Variants in PROKR1 observed in about 807,000 individuals in gnomAD.
PROKR1 encodes the protein G protein-coupled receptor 73.
PROKR1 carries 21 observed loss-of-function variants against 22.8 expected under a neutral mutation model. The observed-to-expected ratio is 0.92, with a 90% CI of 0.65 to 1.32. The LOEUF (loss-of-function observed/expected upper bound fraction) is 1.32. Ranked by LOEUF, PROKR1 falls within the 40% of genes most tolerant of loss-of-function variation. The pLI, the probability that PROKR1 is intolerant of heterozygous loss-of-function variation, is 0.00. For missense variants in PROKR1, 548 were observed against 514.2 expected (o/e 1.07, Z -0.64); for synonymous variants, 193 against 207.5 (o/e 0.93, Z 0.60).
rs935877951 is a variant in PROKR1, at chr2:68,658,202, GGTGTT to G, written c.*2634_*2638del. 2.6e-5 allele frequency: 4 copies of G among 152,036 alleles called. No homozygotes were observed. Among genetic ancestry groups the G allele is most frequent in the African/African-American group, 9.7e-5 (4 of 41,372 alleles). The allele number at this position is 152,036 out of a possible 1,614,324, so 9.4% of individuals were successfully genotyped here. A position where few individuals can be genotyped will look rare whatever the true frequency, so the allele number is the denominator to read the frequency against. Reference sequence around the variant, plus strand: ...TGCTTGTAATTTTGTAGTGAATGAGGGTGTTGTGTTGTTATCAAGTGAAATGAAAA... The same window carrying G: ...TGCTTGTAATTTTGTAGTGAATGAGGGTGTTGTTATCAAGTGAAATGAAAA... On this transcript the variant is annotated 3_prime_UTR_variant, in exon 3 of 3. Transcript: ENST00000303786.
At position 68,645,690 on chromosome 2, in the gene PROKR1, C is replaced by T; in HGVS notation, c.-132C>T. 7.8e-7 allele frequency: 1 copy of T among 1,280,058 alleles called. No homozygotes were observed. The highest frequency in any genetic ancestry group is 1.1e-6 in the Non-Finnish European group (1 of 896,016). The allele number at this position is 1,280,058 out of a possible 1,614,324, so 79.3% of individuals were successfully genotyped here. On this transcript the variant is annotated 5_prime_UTR_variant, in exon 2 of 3. Coordinates refer to ENST00000303786, the MANE Select transcript of PROKR1 (RefSeq NM_138964.4). ...TAGAATGGAGCTCAGATACCATACC[C>T]CAAAGATGCTGGCAGAGACATTCTG...
chr2:68,652,274 T>A (rs1673348855), intron 2 of PROKR1, among the ~76,000 whole-genome samples: 1 of 152,218 alleles, frequency 6.6e-6, no homozygotes, highest in Non-Finnish European at 1.5e-5. Context: ...AAAGTGGATT[T>A]GAAAATGCTC....
chr2:68,646,121 C>A lies in PROKR1; in HGVS notation c.300C>A (p.Leu100=). The A allele has an allele frequency of 6.2e-7, 1 of 1,611,814 alleles. No homozygotes were observed. Among genetic ancestry groups the A allele is most frequent in the Non-Finnish European group, 8.5e-7 (1 of 1,178,350 alleles). ...AACTGCGCAACCTCACCAACCTGCT[C>A]ATCGCCAACCTGGCCATCTCTGACT... ...YKKLRNLTNL[L]IANLAISDFL... The change falls in exon 2 of 3, where the codon CTC becomes CTA. Residue 100 remains leucine (L), a synonymous_variant. Coordinates refer to ENST00000303786, the MANE Select transcript of PROKR1 (RefSeq NM_138964.4).
At chr2:68,651,686 C>G (rs1673335344) in intron 2 of PROKR1, among the ~76,000 whole-genome samples, 1 of 152,230 alleles carries the variant, frequency 6.6e-6, no homozygotes, top group South Asian at 2.1e-4. Context: ...CATGACTAGC[C>G]TAGTAGCTGC....
Position 68,656,797 on chromosome 2 carries a change from G to A in PROKR1, c.*1221G>A, listed in dbSNP as rs1415128576. ...AGACTTGCTTTGCTTCTAAAATAGG[G>A]GTCCTCTTAGGAGGGATAAGCCACA... On this transcript the variant is annotated 3_prime_UTR_variant, in exon 3 of 3. Coordinates refer to ENST00000303786, the MANE Select transcript of PROKR1 (RefSeq NM_138964.4). 1 of 152,102 alleles carries A rather than the reference G, an allele frequency of 6.6e-6. No individual in the cohort carries two copies. The highest frequency in any genetic ancestry group is 1.5e-5 in the Non-Finnish European group (1 of 68,034). The allele number at this position is 152,102 out of a possible 1,614,324, so 9.4% of individuals were successfully genotyped here.
chr2:68,648,124 A>G (rs1239618172), intron 2 of PROKR1, among the ~76,000 whole-genome samples: 1 of 152,220 alleles, frequency 6.6e-6, no homozygotes, highest in Non-Finnish European at 1.5e-5. Context: ...TACTAAAAGC[A>G]GGGTAGGGTG....
At position 68,655,829 on chromosome 2, in the gene PROKR1, C is replaced by T; in HGVS notation, c.*253C>T. 1 of 525,192 alleles carries T rather than the reference C, an allele frequency of 1.9e-6. No homozygotes were observed. Among genetic ancestry groups the T allele is most frequent in the Non-Finnish European group, 3.4e-6 (1 of 289,946 alleles). 32.5% of individuals were successfully genotyped at this position (525,192 alleles called of 1,614,324 possible). On this transcript the variant is annotated 3_prime_UTR_variant, in exon 3 of 3. Transcript: ENST00000303786. Reference sequence around the variant, plus strand: ...TGGTAAAACCTATATATGTTGATGACATTTAGTTGGCAAAATGAAATTGGA... The same window carrying T: ...TGGTAAAACCTATATATGTTGATGATATTTAGTTGGCAAAATGAAATTGGA...
At chr2:68,647,748 C>T (rs923783737) in intron 2 of PROKR1, among the ~76,000 whole-genome samples, 3 of 152,140 alleles carry the variant, frequency 2.0e-5, no homozygotes, top group African/African-American at 7.2e-5. Flanking sequence ...GGTCTGTCCC[C>T]GTAGATCCTT....
Position 68,645,976 on chromosome 2 carries a change from T to G in PROKR1, c.155T>G (p.Val52Gly), listed in dbSNP as rs370003713. 4 of 1,614,138 alleles carry G rather than the reference T, an allele frequency of 2.5e-6. No individual in the cohort carries two copies. The African/African-American group carries it at 5.3e-5, about 22-fold the overall frequency. ...YDMPLDEDED[V>G]TNSRTFFAAK... Reference sequence around the variant, plus strand: ...ATGCCTTTGGATGAAGATGAGGATGTGACCAATTCCAGGACGTTCTTTGCT... The same window carrying G: ...ATGCCTTTGGATGAAGATGAGGATGGGACCAATTCCAGGACGTTCTTTGCT... Residue 52 changes from valine to glycine, a missense_variant, in exon 2 of 3, where the codon GTG becomes GGG. By Grantham distance (109) the Val-to-Gly change is moderately radical. Coordinates refer to ENST00000303786, the MANE Select transcript of PROKR1 (RefSeq NM_138964.4).
chr2:68,654,615 G>A (rs1673399286), intron 2 of PROKR1, among the ~76,000 whole-genome samples: 1 of 152,018 alleles, frequency 6.6e-6, no homozygotes, highest in Non-Finnish European at 1.5e-5. Context: ...GCAGCATACG[G>A]AGACTCTACC....
intron 2 of PROKR1, 121 bp from the exon 3 acceptor site, chr2:68,654,759 C>A: frequency 1.1e-6 from 1 of 912,960 alleles, no homozygotes; most frequent in Non-Finnish European, 1.7e-6. Flanking sequence ...GATCATGCCA[C>A]TGCACTCACT....
In PROKR1 at chr2:68,658,236, T is replaced by C. The variant is rs1487399087; in HGVS notation, c.*2660T>C. 2 of 152,232 alleles carry C rather than the reference T, an allele frequency of 1.3e-5. No homozygotes were observed. The highest frequency in any genetic ancestry group is 4.8e-5 in the African/African-American group (2 of 41,446). The allele number at this position is 152,232 out of a possible 1,614,324, so 9.4% of individuals were successfully genotyped here. On this transcript the variant is annotated 3_prime_UTR_variant, in exon 3 of 3. Coordinates refer to ENST00000303786, the MANE Select transcript of PROKR1 (RefSeq NM_138964.4). ...TTGTTATCAAGTGAAATGAAAATAC[T>C]TGGATATACAGAAAATCATGGAGCG...
intron 2 of PROKR1, among the ~76,000 whole-genome samples, chr2:68,647,481 G>C (rs1673213106): frequency 6.6e-6 from 1 of 152,178 alleles, no homozygotes; most frequent in African/African-American, 2.4e-5. Flanking sequence ...TGCTCTCCCT[G>C]TTCTCTGGCC....
At position 68,655,349 on chromosome 2, in the gene PROKR1, C is replaced by A. The variant is rs750032040; in HGVS notation, c.955C>A (p.His319Asn). The part of the protein sequence containing the change: ...FFPTVFVKEK[H>N]YLTAFYIVEC... ...CCCCACCGTGTTTGTGAAGGAGAAG[C>A]ACTACCTCACTGCCTTCTACATCGT... The change falls in exon 3 of 3, where the codon CAC becomes AAC. Residue 319 changes from histidine (H) to asparagine (N), a missense_variant. His to Asn is a moderately conservative substitution (Grantham distance 68). Transcript: ENST00000303786. 6.2e-7 allele frequency: 1 copy of A among 1,614,216 alleles called. No individual in the cohort carries two copies. Among genetic ancestry groups the A allele is most frequent in the Non-Finnish European group, 8.5e-7 (1 of 1,179,992 alleles).
In PROKR1 at chr2:68,654,940, G is replaced by T. The variant is rs563648309; in HGVS notation, c.546G>T (p.Leu182=). ...PRMKCQTATG[L]IALVWTVSIL... is the part of the protein sequence containing the mutation. ...TGAAGTGCCAAACAGCCACTGGCCT[G>T]ATTGCCTTGGTGTGGACGGTGTCCA... Residue 182 remains leucine, a synonymous_variant, in exon 3 of 3, where the codon CTG becomes CTT. Transcript: ENST00000303786. The T allele has an allele frequency of 1.9e-6, 3 of 1,613,850 alleles. No homozygotes were observed. The South Asian group carries it at 3.3e-5, about 18-fold the overall frequency.
chr2:68,646,488 G>T (rs898976525), intron 2 of PROKR1, among the ~76,000 whole-genome samples, 182 bp downstream of exon 2: 1 of 152,244 alleles, frequency 6.6e-6, no homozygotes, highest in Admixed American at 6.5e-5. Context: ...TCCTTTTCCA[G>T]CTTTGTTCAG....
rs955693675 is a variant in PROKR1, at chr2:68,656,974, G to C, written c.*1398G>C. ...AACAATGAGCTTCAGTGACCCCATAGGTTGTTGAAGACTCATCCCACTTTC... is the reference window on the plus strand; with the variant it reads ...AACAATGAGCTTCAGTGACCCCATACGTTGTTGAAGACTCATCCCACTTTC... On this transcript the variant is annotated 3_prime_UTR_variant, in exon 3 of 3. Transcript: ENST00000303786. 1.3e-5 allele frequency: 2 copies of C among 152,168 alleles called. No individual in the cohort carries two copies. The highest frequency in any genetic ancestry group is 3.9e-4 in the East Asian group (2 of 5,190). 9.4% of individuals were successfully genotyped at this position (152,168 alleles called of 1,614,324 possible).
At chr2:68,646,401 G>T in intron 2 of PROKR1, 95 bp downstream of exon 2, 2 of 1,538,224 alleles carry the variant, frequency 1.3e-6, no homozygotes, top group Admixed American at 1.7e-5. Context: ...ATTGATGAGA[G>T]GTGTCTCTAT....
At chr2:68,647,341 C>T (rs577482147) in intron 2 of PROKR1, among the ~76,000 whole-genome samples, 2 of 152,190 alleles carry the variant, frequency 1.3e-5, no homozygotes, top group Non-Finnish European at 1.5e-5. Flanking sequence ...CTGCCCACAG[C>T]TGGACTGTCA....
Sources: gnomAD v4.1 joint callset for allele counts (sites outside exome capture counted in the v4.1 genomes callset) on GRCh38, gnomAD v4.1.1 for gene constraint, MANE v1.5 for transcripts, NCBI Gene and HGNC (gene_info 2026-07-23, HGNC 2026-07-21) for gene names.